ANO5: variants seen among roughly 807,000 people sequenced by gnomAD.
The protein encoded by ANO5 is anoctamin-5.
A neutral mutation model predicts 121.0 loss-of-function variants in ANO5; 109 were observed. That is an observed-to-expected ratio of 0.90 (90% CI 0.77 to 1.06). The LOEUF (loss-of-function observed/expected upper bound fraction) is 1.06, where lower values mean the gene tolerates loss of function less well. Ranked by LOEUF, ANO5 falls within the 50% of genes least tolerant of loss-of-function variation. The pLI, the probability that ANO5 is intolerant of heterozygous loss-of-function variation, is 0.00. For synonymous variants in ANO5, 406 were observed against 359.9 expected (o/e 1.13, Z -1.45); for missense variants, 1,064 against 1,078.5 (o/e 0.99, Z 0.19).
At chr11:22,279,411 C>CA in intron 21 of ANO5, 133 bp from the exon 22 acceptor site, 1 of 719,624 alleles carries the variant, frequency 1.4e-6, no homozygotes, top group East Asian at 2.7e-5. Flanking sequence ...GGACAGAGAC[C>CA]ATATCTTCTT....
chr11:22,236,361 C>A (rs1853220928), intron 8 of ANO5, 85 bp downstream of exon 8: 13 of 1,137,614 alleles, frequency 1.1e-5, no homozygotes, highest in Non-Finnish European at 1.6e-5. Context: ...TCCTTTACTT[C>A]AGTTGCTTAG....
Position 22,270,412 on chromosome 11 carries a change from C to G in ANO5, c.1999C>G (p.Leu667Val). The G allele has an allele frequency of 6.2e-7, 1 of 1,614,128 alleles. No individual in the cohort carries two copies. The change falls in exon 18 of 22, where the codon CTT becomes GTT. Residue 667 changes from leucine (L) to valine (V), a missense_variant. Leu to Val is a conservative substitution (Grantham distance 32, BLOSUM62 1). Coordinates refer to ENST00000324559, the MANE Select transcript of ANO5 (RefSeq NM_213599.3). ...QDHDLESFGP[L>V]GLFYEYLETV... ...TCATGACCTTGAAAGTTTTGGACCCCTTGGGCTTTTCTATGAGTACTTAGA... is the reference window on the plus strand; with the variant it reads ...TCATGACCTTGAAAGTTTTGGACCCGTTGGGCTTTTCTATGAGTACTTAGA...
At chr11:22,267,187 CACACAT>C (rs1181607763) in intron 17 of ANO5, among the ~76,000 whole-genome samples, 1 of 151,992 alleles carries the variant, frequency 6.6e-6, no homozygotes, top group African/African-American at 2.4e-5. Flanking sequence ...TGGAAACACA[CACACAT>C]ACACAAAGAT....
chr11:22,260,041 A>T (rs1484907263), intron 15 of ANO5, among the ~76,000 whole-genome samples: 7 of 152,144 alleles, frequency 4.6e-5, no homozygotes, highest in Non-Finnish European at 1.0e-4. Context: ...CCTAAGAAAA[A>T]TAATCACTTT....
intron 16 of ANO5, 114 bp downstream of exon 16, chr11:22,262,412 C>T (rs1854219998): frequency 1.9e-6 from 2 of 1,073,354 alleles, no homozygotes; most frequent in Admixed American, 4.1e-5. Context: ...TATCTAGGCA[C>T]TGACTCTATC....
At position 22,259,576 on chromosome 11, in the gene ANO5, G is replaced by A; in HGVS notation, c.1465G>A (p.Ala489Thr). 1 of 1,614,100 alleles carries A rather than the reference G, an allele frequency of 6.2e-7. No individual in the cohort carries two copies. The highest frequency in any genetic ancestry group is 8.5e-7 in the Non-Finnish European group (1 of 1,180,010). ...AVIVYRLSVF[A>T]TFASFMESDA... ...AATTGTGTACCGCCTGTCAGTCTTT[G>A]CTACATTTGCTAGTTTCATGGAAAG... The change falls in exon 15 of 22, where the codon GCT becomes ACT. Residue 489 changes from alanine to threonine, a missense_variant. Ala to Thr is a moderately conservative substitution (Grantham distance 58). Transcript: ENST00000324559.
chr11:22,248,629 C>T (rs1853699622), intron 9 of ANO5, among the ~76,000 whole-genome samples: 1 of 151,820 alleles, frequency 6.6e-6, no homozygotes, highest in South Asian at 2.1e-4. Context: ...AAATACTTAC[C>T]TGATTTCATT....
intron 1 of ANO5, among the ~76,000 whole-genome samples, chr11:22,200,914 G>T (rs1421406776): frequency 6.6e-6 from 1 of 152,092 alleles, no homozygotes; most frequent in Non-Finnish European, 1.5e-5. Context: ...TTATGTATGT[G>T]TGTGAGTACT....
Position 22,279,880 on chromosome 11 carries a change from T to TTTTTTTTTTTTTC in ANO5, c.*125_*126insTTCTTTTTTTTTT. 2.1e-6 allele frequency: 1 copy of TTTTTTTTTTTTTC among 472,220 alleles called. No individual in the cohort carries two copies. Among genetic ancestry groups the TTTTTTTTTTTTTC allele is most frequent in the African/African-American group, 2.2e-5 (1 of 45,498 alleles). The allele number at this position is 472,220 out of a possible 1,614,324, so 29.3% of individuals were successfully genotyped here. A position where few individuals can be genotyped will look rare whatever the true frequency, so the allele number is the denominator to read the frequency against. On this transcript the variant is annotated 3_prime_UTR_variant, in exon 22 of 22. Coordinates refer to ENST00000324559, the MANE Select transcript of ANO5 (RefSeq NM_213599.3). ...TTACCCTTTCTTTTTTTTTTTTTTCTTTTTTTTTTTAAACTCAAAGTTTTT... is the reference window on the plus strand; with the variant it reads ...TTACCCTTTCTTTTTTTTTTTTTTCTTTTTTTTTTTTTCTTTTTTTTTTAAACTCAAAGTTTTT...
At chr11:22,214,457 G>A (rs1266855499) in intron 3 of ANO5, among the ~76,000 whole-genome samples, 1 of 151,916 alleles carries the variant, frequency 6.6e-6, no homozygotes, top group Non-Finnish European at 1.5e-5. Context: ...GATAATTTGA[G>A]AAGGACTTCT....
chr11:22,256,273 C>T (rs1269904113), intron 13 of ANO5, among the ~76,000 whole-genome samples: 1 of 152,136 alleles, frequency 6.6e-6, no homozygotes, highest in Non-Finnish European at 1.5e-5. Flanking sequence ...GTGTTTCCTG[C>T]TGCTATTTAA....
rs1218643306 is a variant in ANO5 at position 22,279,896 on chromosome 11, C to T, written c.*131C>T. The T allele has an allele frequency of 9.8e-6, 8 of 820,392 alleles. No individual in the cohort carries two copies. In the African/African-American group the frequency reaches 1.5e-4, roughly 15 times the overall value. The allele number at this position is 820,392 out of a possible 1,614,324, so 50.8% of individuals were successfully genotyped here. On this transcript the variant is annotated 3_prime_UTR_variant, in exon 22 of 22. Transcript: ENST00000324559. ...TTTTTTTTCTTTTTTTTTTTAAACT[C>T]AAAGTTTTTATACACTTTTATAGAG...
At chr11:22,235,085 A>G (rs563174852) in intron 7 of ANO5, among the ~76,000 whole-genome samples, 3 of 152,188 alleles carry the variant, frequency 2.0e-5, no homozygotes, top group African/African-American at 4.8e-5. Flanking sequence ...CTTTCTTTCT[A>G]TTGCAGTAGT....
chr11:22,268,447 T>C (rs1338988890), intron 17 of ANO5, among the ~76,000 whole-genome samples: 1 of 152,162 alleles, frequency 6.6e-6, no homozygotes, highest in African/African-American at 2.4e-5. Flanking sequence ...AGAATATATA[T>C]GTTTTCTACT....
intron 3 of ANO5, among the ~76,000 whole-genome samples, chr11:22,212,808 C>T (rs1852322828): frequency 6.7e-6 from 1 of 150,150 alleles, no homozygotes; most frequent in African/African-American, 2.4e-5. Context: ...TGTCCATTTC[C>T]TGTCAGGTTT....
chr11:22,208,802 T>C (rs1226087961), intron 2 of ANO5, among the ~76,000 whole-genome samples: 2 of 151,958 alleles, frequency 1.3e-5, no homozygotes, highest in African/African-American at 4.8e-5. Flanking sequence ...GCTATAGTTA[T>C]TGCAAAATAA....
intron 13 of ANO5, 41 bp from the exon 14 acceptor site, chr11:22,257,639 G>A (rs1362600290): frequency 6.6e-7 from 1 of 1,504,272 alleles, no homozygotes; most frequent in East Asian, 2.3e-5. Flanking sequence ...TGACTTAGAG[G>A]GGAGATTTTG....
At chr11:22,275,317 C>CAG (rs1854798673) in intron 20 of ANO5, among the ~76,000 whole-genome samples, 1 of 151,756 alleles carries the variant, frequency 6.6e-6, no homozygotes, top group Non-Finnish European at 1.5e-5. Context: ...AAGACACACA[C>CAG]ACACACACAC....
At chr11:22,205,007 T>C (rs918939451) in intron 2 of ANO5, among the ~76,000 whole-genome samples, 6 of 152,132 alleles carry the variant, frequency 3.9e-5, no homozygotes, top group Admixed American at 3.3e-4. Context: ...CATAAAATAC[T>C]ATGGAGCCAT....
Sources: gnomAD v4.1 joint callset for allele counts (sites outside exome capture counted in the v4.1 genomes callset) on GRCh38, gnomAD v4.1.1 for gene constraint, MANE v1.5 for transcripts, NCBI Gene and HGNC (gene_info 2026-07-23, HGNC 2026-07-21) for gene names.